Variants in PLGRKT observed in about 807,000 individuals in gnomAD.
PLGRKT encodes plasminogen receptor with a C-terminal lysine, also known as plasminogen receptor (KT).
PLGRKT carries 22 observed loss-of-function variants against 18.5 expected under a neutral mutation model. That is an observed-to-expected ratio of 1.19 (90% CI 0.85 to 1.70). The LOEUF (loss-of-function observed/expected upper bound fraction) is 1.70, where lower values mean the gene tolerates loss of function less well. PLGRKT is among the 40% of genes most tolerant of loss of function. The probability of loss-of-function intolerance (pLI) is 0.00; values close to 1 mark genes in which losing one functional copy is unlikely to be tolerated. For missense variants in PLGRKT, 235 were observed against 174.4 expected (o/e 1.35, Z -1.96); for synonymous variants, 72 against 52.8 (o/e 1.36, Z -1.58).
intron 3 of PLGRKT, among the ~76,000 whole-genome samples, chr9:5,364,891 A>G (rs371920614): frequency 5.3e-5 from 8 of 152,212 alleles, no homozygotes; most frequent in African/African-American, 1.7e-4. Flanking sequence ...ATTAGAGCCA[A>G]TGACATCCGT....
At chr9:5,397,267 C>T (rs1818068067) in intron 3 of PLGRKT, among the ~76,000 whole-genome samples, 1 of 151,932 alleles carries the variant, frequency 6.6e-6, no homozygotes, top group Admixed American at 6.6e-5. Context: ...TTACTACCCT[C>T]ATCTTGCACA....
At chr9:5,412,817 C>T (rs767369622) in intron 3 of PLGRKT, among the ~76,000 whole-genome samples, 6 of 151,716 alleles carry the variant, frequency 4.0e-5, no homozygotes, top group Admixed American at 6.6e-5. Flanking sequence ...TTTAAACCAC[C>T]GTAAACAAGT....
intron 3 of PLGRKT, among the ~76,000 whole-genome samples, chr9:5,381,678 G>A (rs1040880224): frequency 2.0e-4 from 28 of 139,706 alleles, no homozygotes; most frequent in African/African-American, 1.4e-4. Flanking sequence ...TCTAAAACAC[G>A]CTTTAAAAGG....
chr9:5,389,808 C>A (rs545573428), intron 3 of PLGRKT, among the ~76,000 whole-genome samples: 1 of 151,980 alleles, frequency 6.6e-6, no homozygotes, highest in East Asian at 1.9e-4. Context: ...ATTATAAGGA[C>A]AAAGTAGAGA....
chr9:5,408,000 T>C (rs1460217260), intron 3 of PLGRKT, among the ~76,000 whole-genome samples: 1 of 152,164 alleles, frequency 6.6e-6, no homozygotes, highest in Non-Finnish European at 1.5e-5. Context: ...CTATTGTAAG[T>C]CCAGGACATG....
chr9:5,435,215 G>C (rs1321290909), intron 2 of PLGRKT, among the ~76,000 whole-genome samples: 1 of 151,394 alleles, frequency 6.6e-6, no homozygotes, highest in Admixed American at 6.6e-5. Context: ...AGGAAAACCA[G>C]AGACCTTTGT....
chr9:5,364,963 T>G (rs1817352530), intron 3 of PLGRKT, among the ~76,000 whole-genome samples: 1 of 152,172 alleles, frequency 6.6e-6, no homozygotes, highest in Non-Finnish European at 1.5e-5. Context: ...GATATGCATA[T>G]CTATATGCAT....
rs752864637 is a variant in PLGRKT at position 5,361,165 on chromosome 9, C to T, written c.235G>A (p.Ala79Thr). Residue 79 changes from alanine to threonine, a missense_variant, in exon 5 of 6, where the codon GCC (alanine) becomes ACC (threonine). Physicochemically the swap from Ala to Thr is moderately conservative, Grantham distance 58. Coordinates refer to ENST00000223864, the MANE Select transcript of PLGRKT (RefSeq NM_018465.4). Reference protein sequence around the residue: ...TAGAIKKKKPAFLVPIVPLSF... With the variant: ...TAGAIKKKKPTFLVPIVPLSF... ...AATGGAACAATCGGGACCAGGAAGG[C>T]TGGCTTCTTTTTTTTAATCGCTCTG... is the stretch of plus-strand genomic sequence containing the variant. The T allele has an allele frequency of 8.1e-6, 13 of 1,607,778 alleles. No homozygotes were observed. The highest frequency in any genetic ancestry group is 5.1e-5 in the Admixed American group (3 of 59,400).
intron 3 of PLGRKT, among the ~76,000 whole-genome samples, chr9:5,410,652 A>T (rs1341215682): frequency 6.6e-6 from 1 of 152,250 alleles, no homozygotes. Context: ...ATAAAAAATG[A>T]ATTAATTTGT....
upstream of PLGRKT, among the ~76,000 whole-genome samples, chr9:5,438,256 G>C (rs1437126386): frequency 6.6e-6 from 1 of 152,246 alleles, no homozygotes; most frequent in Non-Finnish European, 1.5e-5. Flanking sequence ...CTGCTGCTCA[G>C]AGAGATGTCG....
chr9:5,374,942 C>T (rs1212506439), intron 3 of PLGRKT, among the ~76,000 whole-genome samples: 3 of 152,068 alleles, frequency 2.0e-5, no homozygotes, highest in African/African-American at 7.2e-5. Context: ...AAGATTTCTA[C>T]AGAAAGGTCA....
rs139425054 is a variant in PLGRKT at position 5,380,944 on chromosome 9, C to A, written c.82-19056G>T. On this transcript the variant is annotated intron_variant, in intron 3 of 5. Transcript: ENST00000223864. ...CCCATGCTGTTCTCATGATAGTGAG[C>A]GAGTTCTCAGAAGACCTGATGGTTT... Among the ~76,000 whole-genome samples the A allele has an allele frequency of 7.4e-4, 112 of 152,222 alleles. 1 individual carries two copies. Among genetic ancestry groups the A allele is most frequent in the African/African-American group, 2.0e-3 (85 of 41,554 alleles).
intron 3 of PLGRKT, among the ~76,000 whole-genome samples, chr9:5,396,084 G>T (rs1818041531): frequency 1.3e-5 from 2 of 151,298 alleles, no homozygotes; most frequent in South Asian, 4.1e-4. Context: ...AGTAGAGACG[G>T]GGTTTCACCA....
intron 3 of PLGRKT, among the ~76,000 whole-genome samples, chr9:5,389,561 CA>C (rs1381197496): frequency 1.3e-5 from 2 of 151,792 alleles, no homozygotes; most frequent in African/African-American, 4.9e-5. Flanking sequence ...AATGAGTCAT[CA>C]GAGAAAACCT....
chr9:5,370,262 C>A (rs533006560), intron 3 of PLGRKT, among the ~76,000 whole-genome samples: 1 of 152,008 alleles, frequency 6.6e-6, no homozygotes, highest in Non-Finnish European at 1.5e-5. Flanking sequence ...AATTACTGAC[C>A]TCAGTAATTT....
chr9:5,384,707 T>C (rs1246782205), intron 3 of PLGRKT, among the ~76,000 whole-genome samples: 1 of 151,736 alleles, frequency 6.6e-6, no homozygotes, highest in Non-Finnish European at 1.5e-5. Flanking sequence ...TAGGTTAAAT[T>C]GGGTCATAAG....
intron 3 of PLGRKT, among the ~76,000 whole-genome samples, chr9:5,378,740 CTG>C (rs1817680200): frequency 6.6e-6 from 1 of 151,864 alleles, no homozygotes; most frequent in Non-Finnish European, 1.5e-5. Context: ...TGAAGCAAAA[CTG>C]TTGGGAATAC....
intron 3 of PLGRKT, among the ~76,000 whole-genome samples, chr9:5,363,896 CAATT>C (rs1209603587): frequency 6.6e-6 from 1 of 152,114 alleles, no homozygotes; most frequent in Non-Finnish European, 1.5e-5. Flanking sequence ...ATTTTGAGTT[CAATT>C]AGAGTTTAAA....
intron 5 of PLGRKT, among the ~76,000 whole-genome samples, chr9:5,360,834 C>T (rs1817246253): frequency 6.6e-6 from 1 of 152,118 alleles, no homozygotes. Flanking sequence ...AGTTTTAATA[C>T]ATTAAGTGAC....
Sources: allele counts gnomAD v4.1 joint callset (sites outside exome capture counted in the v4.1 genomes callset), GRCh38; gene constraint gnomAD v4.1.1; transcripts MANE v1.5; gene names NCBI Gene and HGNC (gene_info 2026-07-23, HGNC 2026-07-21).